HDAC9: variants seen among roughly 807,000 people sequenced by gnomAD.
HDAC9 encodes the protein histone deacetylase 9.
HDAC9 carries 41 observed loss-of-function variants against 139.4 expected under a neutral mutation model. The ratio of observed to expected loss-of-function variants is 0.29; its 90% CI spans 0.23 to 0.38. HDAC9 has a LOEUF of 0.38. Among genes scored for constraint, HDAC9 ranks in the 10% least tolerant of loss-of-function variants. HDAC9 has a pLI of 1.00. For missense variants in HDAC9, 1,147 were observed against 1,297.0 expected (o/e 0.88, Z 1.78); for synonymous variants, 517 against 476.2 (o/e 1.09, Z -1.12).
chr7:18,851,337 T>G (rs1797273384), intron 21 of HDAC9: 1 of 152,206 alleles, frequency 6.6e-6, no homozygotes, highest in African/African-American at 2.4e-5. Flanking sequence ...TTATAGTGCT[T>G]GAGCTCTCAC....
chr7:18,946,938 A>G (rs1782446211), intron 23 of HDAC9, among the ~76,000 whole-genome samples: 1 of 152,080 alleles, frequency 6.6e-6, no homozygotes, highest in African/African-American at 2.4e-5. Context: ...ATAAATTTGA[A>G]CTAATTGAAT....
At chr7:18,281,394 T>G (rs201544690) in intron 2 of HDAC9, among the ~76,000 whole-genome samples, 1 of 152,156 alleles carries the variant, frequency 6.6e-6, no homozygotes, top group African/African-American at 2.4e-5. Context: ...AGTACTTAAT[T>G]TAAGAGAGAG....
chr7:18,181,917 A>G (rs1002683918), intron 2 of HDAC9, among the ~76,000 whole-genome samples: 9 of 152,256 alleles, frequency 5.9e-5, no homozygotes, highest in African/African-American at 1.9e-4. Context: ...AATAGTTTGG[A>G]TACTCAGAGG....
intron 22 of HDAC9, among the ~76,000 whole-genome samples, chr7:18,919,395 A>G (rs151092611): frequency 1.3e-5 from 2 of 152,036 alleles, no homozygotes; most frequent in Non-Finnish European, 2.9e-5. Flanking sequence ...AGTCCACTTA[A>G]GCAATCTTCC....
At chr7:18,449,341 A>C (rs1792582231) in intron 1 of HDAC9, among the ~76,000 whole-genome samples, 1 of 152,214 alleles carries the variant, frequency 6.6e-6, no homozygotes, top group Admixed American at 6.5e-5. Context: ...CCTTACAAAT[A>C]TAATACTGAA....
chr7:18,933,065 A>C lies in HDAC9; in HGVS notation c.2804-2744A>C, dbSNP rs1471064689. ...AAGCAAACAATATCACACTTGAGCC[A>C]GACTTGAATGACAGATACCATATTC... is the stretch of plus-strand genomic sequence containing the variant. On this transcript the variant is annotated intron_variant, in intron 22 of 25. Transcript: ENST00000686413. Among the ~76,000 whole-genome samples, 3 of 152,214 alleles carry C rather than the reference A, an allele frequency of 2.0e-5. No homozygotes were observed. In the South Asian group the frequency reaches 6.2e-4, roughly 31 times the overall value.
At chr7:18,621,657 T>TAATTAGA (rs1445643487) in intron 6 of HDAC9, among the ~76,000 whole-genome samples, 3 of 152,296 alleles carry the variant, frequency 2.0e-5, no homozygotes, top group African/African-American at 7.2e-5. Context: ...TAAGTGGTTA[T>TAATTAGA]AATTAGAAAT....
chr7:18,115,282 G>C (rs1783902683), intron 1 of HDAC9, among the ~76,000 whole-genome samples: 1 of 120,312 alleles, frequency 8.3e-6, no homozygotes, highest in Non-Finnish European at 1.8e-5. Flanking sequence ...GACAGAGCGA[G>C]ACTCTGTCTC....
At chr7:18,271,971 G>A (rs894478517) in intron 2 of HDAC9, among the ~76,000 whole-genome samples, 1 of 152,080 alleles carries the variant, frequency 6.6e-6, no homozygotes, top group African/African-American at 2.4e-5. Flanking sequence ...AGAGTCAGAA[G>A]CATCAAAAAT....
chr7:18,396,370 A>G (rs1318839825), intron 1 of HDAC9, among the ~76,000 whole-genome samples: 1 of 152,146 alleles, frequency 6.6e-6, no homozygotes, highest in Non-Finnish European at 1.5e-5. Flanking sequence ...TATTGGCAGG[A>G]TGCTGTAGAA....
chr7:18,975,713 T>G, intron 24 of HDAC9, 93 bp from the exon 25 acceptor site: 2 of 1,236,288 alleles, frequency 1.6e-6, no homozygotes, highest in Non-Finnish European at 2.3e-6. Flanking sequence ...GAATTTTAAC[T>G]TAACAACTGC....
At chr7:18,965,441 A>C (rs187813874) in intron 24 of HDAC9, among the ~76,000 whole-genome samples, 1 of 152,348 alleles carries the variant, frequency 6.6e-6, no homozygotes, top group East Asian at 1.9e-4. Flanking sequence ...TACGTCTGTT[A>C]CATGTTGGGA....
chr7:18,340,609 C>T (rs1781931009), intron 1 of HDAC9, among the ~76,000 whole-genome samples: 1 of 151,494 alleles, frequency 6.6e-6, no homozygotes, highest in Non-Finnish European at 1.5e-5. Flanking sequence ...GATATTATAG[C>T]ATTTCATGTA....
intron 1 of HDAC9, among the ~76,000 whole-genome samples, chr7:18,410,921 A>G (rs1788486597): frequency 6.6e-6 from 1 of 152,232 alleles, no homozygotes; most frequent in Non-Finnish European, 1.5e-5. Context: ...GCTCAATGTT[A>G]TAGGAAAGAA....
chr7:18,265,735 G>A (rs1388916146), intron 2 of HDAC9, among the ~76,000 whole-genome samples: 1 of 152,068 alleles, frequency 6.6e-6, no homozygotes, highest in Non-Finnish European at 1.5e-5. Flanking sequence ...TTGCATTGTT[G>A]CAAATAGCTT....
intron 1 of HDAC9, among the ~76,000 whole-genome samples, chr7:18,341,123 C>A (rs914145768): frequency 5.9e-5 from 9 of 151,302 alleles, no homozygotes. Context: ...TGTGTTTTCC[C>A]CCCTGACTAC....
chr7:18,416,171 C>T (rs1274359467), intron 1 of HDAC9, among the ~76,000 whole-genome samples: 1 of 151,988 alleles, frequency 6.6e-6, no homozygotes, highest in Non-Finnish European at 1.5e-5. Context: ...TGGCGCATGC[C>T]TGTAATCCCA....
chr7:18,122,808 G>A (rs111765675), intron 1 of HDAC9, among the ~76,000 whole-genome samples: 24,224 of 151,968 alleles, frequency 0.16, 2,381 homozygotes, highest in South Asian at 0.34. Context: ...TAGTTGAGAT[G>A]GGGTTTCACC....
intron 2 of HDAC9, among the ~76,000 whole-genome samples, chr7:18,535,545 T>C (rs1337426907): frequency 6.6e-6 from 1 of 151,766 alleles, no homozygotes; most frequent in Admixed American, 6.6e-5. Context: ...ATCTCTATTA[T>C]ATCTACATAC....
Sources: allele counts gnomAD v4.1 joint callset (sites outside exome capture counted in the v4.1 genomes callset), GRCh38; gene constraint gnomAD v4.1.1; transcripts MANE v1.5; gene names NCBI Gene and HGNC (gene_info 2026-07-23, HGNC 2026-07-21).